Variants in CERS6 observed in about 807,000 individuals in gnomAD.
CERS6 encodes LAG1 homolog, ceramide synthase 6.
Under a neutral mutation model 56.8 loss-of-function variants are expected in CERS6, and 26 were observed. The ratio of observed to expected loss-of-function variants is 0.46; its 90% CI spans 0.34 to 0.63. The LOEUF is 0.63. Ranked by LOEUF, CERS6 falls within the 30% of genes least tolerant of loss-of-function variation. CERS6 has a pLI of 0.01. For missense variants in CERS6, 415 were observed against 467.5 expected, an observed-to-expected ratio of 0.89 and a Z score of 1.04; for synonymous variants, 164 against 173.3, an observed-to-expected ratio of 0.95 and a Z score of 0.42.
chr2:168,632,961 C>A (rs540126093), intron 4 of CERS6, among the ~76,000 whole-genome samples: 72 of 152,174 alleles, frequency 4.7e-4, no homozygotes, highest in African/African-American at 1.7e-3. Context: ...ACAGGAAACA[C>A]TTTGACGCTT....
intron 8 of CERS6, among the ~76,000 whole-genome samples, chr2:168,763,527 G>A (rs769593434): frequency 2.0e-5 from 3 of 152,038 alleles, no homozygotes; most frequent in Non-Finnish European, 4.4e-5. Context: ...CTCCCAAAGT[G>A]CTGGGATTAC....
chr2:168,642,422 T>A (rs1193290330), intron 4 of CERS6, among the ~76,000 whole-genome samples: 1 of 152,212 alleles, frequency 6.6e-6, no homozygotes, highest in Non-Finnish European at 1.5e-5. Flanking sequence ...TTTTTGTCTT[T>A]TGTCTTGTGT....
At chr2:168,509,482 A>G (rs1694739629) in intron 1 of CERS6, among the ~76,000 whole-genome samples, 1 of 152,174 alleles carries the variant, frequency 6.6e-6, no homozygotes, top group African/African-American at 2.4e-5. Context: ...GGTGACATTT[A>G]GGAAGGATAG....
chr2:168,479,665 A>G (rs1307071682), intron 1 of CERS6, among the ~76,000 whole-genome samples: 1 of 151,972 alleles, frequency 6.6e-6, no homozygotes, highest in African/African-American at 2.4e-5. Flanking sequence ...CTGGAGTGCA[A>G]TGGCGCGATC....
intron 1 of CERS6, among the ~76,000 whole-genome samples, chr2:168,467,191 C>T (rs1693896929): frequency 6.6e-6 from 1 of 152,122 alleles, no homozygotes; most frequent in South Asian, 2.1e-4. Context: ...GTTTAGAAAA[C>T]CATCTAAAAT....
intron 3 of CERS6, among the ~76,000 whole-genome samples, chr2:168,625,405 G>A (rs771932647): frequency 1.3e-5 from 2 of 152,144 alleles, no homozygotes; most frequent in Non-Finnish European, 2.9e-5. Flanking sequence ...GGAAGTAGTT[G>A]ATAAATTATT....
At chr2:168,739,091 T>C (rs1452170083) in intron 8 of CERS6, among the ~76,000 whole-genome samples, 1 of 116,004 alleles carries the variant, frequency 8.6e-6, no homozygotes, top group Non-Finnish European at 1.7e-5. Flanking sequence ...TGTATTTTAG[T>C]AGAGACGGGG....
At position 168,649,132 on chromosome 2, in the gene CERS6, A is replaced by C. The variant is rs1452823796; in HGVS notation, c.465+18090A>C. ...TAGAGAAGGATGGGTCGTTAGCTGC[A>C]GCAGCCTTGGGCTTCCTCAGCATAC... is the stretch of plus-strand genomic sequence containing the variant. On this transcript the variant is annotated intron_variant, in intron 4 of 9. Transcript: ENST00000305747. Among the ~76,000 whole-genome samples the C allele has an allele frequency of 2.7e-5, 4 of 149,622 alleles. No individual in the cohort carries two copies. The East Asian group carries it at 7.7e-4, about 29-fold the overall frequency.
intron 3 of CERS6, among the ~76,000 whole-genome samples, chr2:168,569,662 C>T (rs2105387589): frequency 6.6e-6 from 1 of 152,330 alleles, no homozygotes; most frequent in South Asian, 2.1e-4. Flanking sequence ...GTTAGGCTCA[C>T]ATTAGAAGAC....
chr2:168,709,030 T>C (rs1282586503), intron 6 of CERS6, among the ~76,000 whole-genome samples: 2 of 152,148 alleles, frequency 1.3e-5, no homozygotes, highest in Non-Finnish European at 2.9e-5. Flanking sequence ...CTCTACAGCT[T>C]GATCATTGTG....
At chr2:168,645,181 A>AGAGAGAGAGAGAGAGAGAGAGT (rs1332171299) in intron 4 of CERS6, among the ~76,000 whole-genome samples, 11 of 120,652 alleles carry the variant, frequency 9.1e-5, no homozygotes, top group Non-Finnish European at 1.7e-4. Flanking sequence ...AGAGAGAGAG[A>AGAGAGAGAGAGAGAGAGAGAGT]GAGAGAGAGT....
chr2:168,586,382 A>ATT (rs1294398004), intron 3 of CERS6, among the ~76,000 whole-genome samples: 2 of 148,434 alleles, frequency 1.3e-5, no homozygotes, highest in African/African-American at 4.9e-5. Flanking sequence ...AATATGCCTC[A>ATT]TTTTTTTTTT....
Position 168,489,558 on chromosome 2 carries a change from T to C in CERS6, c.170+32940T>C, listed in dbSNP as rs868370672. Among the ~76,000 whole-genome samples the C allele has an allele frequency of 1.6e-4, 25 of 152,042 alleles. No individual in the cohort carries two copies. The Middle Eastern group carries it at 0.01, about 62-fold the overall frequency. Reference sequence around the variant, plus strand: ...CTGCAGGTCTTTGAGGCTCAGCTCATTTGTCTCAACAAATTTTTTTTTCTT... The same window carrying C: ...CTGCAGGTCTTTGAGGCTCAGCTCACTTGTCTCAACAAATTTTTTTTTCTT... On this transcript the variant is annotated intron_variant, in intron 1 of 9. Coordinates refer to ENST00000305747, the MANE Select transcript of CERS6 (RefSeq NM_203463.3).
intron 1 of CERS6, among the ~76,000 whole-genome samples, chr2:168,508,389 C>T (rs1483360290): frequency 6.6e-6 from 1 of 152,194 alleles, no homozygotes; most frequent in East Asian, 1.9e-4. Context: ...CCAACATATT[C>T]TCTTAAGTCA....
At chr2:168,573,832 T>A (rs764329050) in intron 3 of CERS6, among the ~76,000 whole-genome samples, 7 of 152,092 alleles carry the variant, frequency 4.6e-5, no homozygotes, top group Non-Finnish European at 1.0e-4. Flanking sequence ...CAGGTCCCAC[T>A]AAGTGATCTG....
chr2:168,766,255 CTT>C (rs2105466979), intron 9 of CERS6: 1 of 1,489,902 alleles, frequency 6.7e-7, no homozygotes, highest in Admixed American at 1.7e-5. Flanking sequence ...AGAGCAGAGA[CTT>C]TTCCAGATCA....
chr2:168,576,203 G>C (rs753902955), intron 3 of CERS6, among the ~76,000 whole-genome samples: 3 of 152,126 alleles, frequency 2.0e-5, no homozygotes, highest in Non-Finnish European at 4.4e-5. Flanking sequence ...AAGCAGAGTT[G>C]ATGGTCCCCT....
intron 8 of CERS6, among the ~76,000 whole-genome samples, chr2:168,743,090 C>T (rs781082959): frequency 3.3e-5 from 5 of 151,540 alleles, no homozygotes; most frequent in East Asian, 1.9e-4. Context: ...TACTTGGGGC[C>T]GACCCTAACA....
At chr2:168,507,969 C>T (rs913500690) in intron 1 of CERS6, among the ~76,000 whole-genome samples, 1 of 152,096 alleles carries the variant, frequency 6.6e-6, no homozygotes, top group African/African-American at 2.4e-5. Flanking sequence ...TAAAAATGAG[C>T]TGATATGGGA....
Sources: allele counts gnomAD v4.1 joint callset (sites outside exome capture counted in the v4.1 genomes callset), GRCh38; gene constraint gnomAD v4.1.1; transcripts MANE v1.5; gene names NCBI Gene and HGNC (gene_info 2026-07-23, HGNC 2026-07-21).